CERS6: variants seen among roughly 807,000 people sequenced by gnomAD.
The protein encoded by CERS6 is LAG1 homolog, ceramide synthase 6.
In CERS6, 26 loss-of-function variants were observed where a neutral mutation model predicts 56.8. The ratio of observed to expected loss-of-function variants is 0.46; its 90% CI spans 0.34 to 0.63. The LOEUF is 0.63. CERS6 is among the 30% of genes least tolerant of loss of function. The probability of loss-of-function intolerance (pLI) is 0.01; values close to 1 mark genes in which losing one functional copy is unlikely to be tolerated. For missense variants in CERS6, 415 were observed against 467.5 expected (o/e 0.89, Z 1.04); for synonymous variants, 164 against 173.3 (o/e 0.95, Z 0.42).
chr2:168,704,716 C>T (rs1686893444), intron 6 of CERS6, among the ~76,000 whole-genome samples: 1 of 152,166 alleles, frequency 6.6e-6, no homozygotes, highest in Non-Finnish European at 1.5e-5. Context: ...AAGCGATTCT[C>T]CTGCCTCAGC....
intron 1 of CERS6, among the ~76,000 whole-genome samples, chr2:168,492,249 A>C (rs757996961): frequency 6.6e-6 from 1 of 152,218 alleles, no homozygotes; most frequent in Non-Finnish European, 1.5e-5. Context: ...GCGTAAAAGC[A>C]TTCCTATTCG....
chr2:168,602,091 T>C (rs1184201288), intron 3 of CERS6, among the ~76,000 whole-genome samples: 1 of 152,232 alleles, frequency 6.6e-6, no homozygotes, highest in East Asian at 1.9e-4. Flanking sequence ...CACTATGCTG[T>C]ACACGTATTT....
At chr2:168,612,075 G>A (rs1574099807) in intron 3 of CERS6, among the ~76,000 whole-genome samples, 1 of 152,358 alleles carries the variant, frequency 6.6e-6, no homozygotes, top group East Asian at 1.9e-4. Context: ...GCCATGTGTT[G>A]AATGCTGTTC....
chr2:168,676,343 T>C (rs1686059301), intron 4 of CERS6, among the ~76,000 whole-genome samples: 1 of 152,180 alleles, frequency 6.6e-6, no homozygotes, highest in Non-Finnish European at 1.5e-5. Flanking sequence ...TTATCATGCA[T>C]TGGTCATTTG....
chr2:168,745,889 C>G (rs1684084347), intron 8 of CERS6, among the ~76,000 whole-genome samples: 1 of 152,208 alleles, frequency 6.6e-6, no homozygotes, highest in Non-Finnish European at 1.5e-5. Flanking sequence ...TTATACTCAC[C>G]TGTGGGGATG....
chr2:168,627,277 G>A (rs1197602907), intron 3 of CERS6, among the ~76,000 whole-genome samples: 1 of 152,116 alleles, frequency 6.6e-6, no homozygotes, highest in Non-Finnish European at 1.5e-5. Context: ...TTAGGGCAAT[G>A]ATTTATGTTG....
At chr2:168,583,012 C>T (rs1243926208) in intron 3 of CERS6, 1 of 153,574 alleles carries the variant, frequency 6.5e-6, no homozygotes. Flanking sequence ...TGCCAGAAAA[C>T]AACATAGGCA....
At chr2:168,638,448 A>C (rs1684912157) in intron 4 of CERS6, among the ~76,000 whole-genome samples, 1 of 152,146 alleles carries the variant, frequency 6.6e-6, no homozygotes, top group Non-Finnish European at 1.5e-5. Flanking sequence ...AAAGTATCAA[A>C]AATAAAACAC....
At chr2:168,608,824 AT>A (rs1684115847) in intron 3 of CERS6, among the ~76,000 whole-genome samples, 1 of 152,092 alleles carries the variant, frequency 6.6e-6, no homozygotes, top group African/African-American at 2.4e-5. Flanking sequence ...TATTTATGGT[AT>A]CTTTTGAAGG....
chr2:168,666,328 C>T (rs1685761037), intron 4 of CERS6, among the ~76,000 whole-genome samples: 1 of 152,190 alleles, frequency 6.6e-6, no homozygotes, highest in Non-Finnish European at 1.5e-5. Context: ...CTTCCTTCCT[C>T]CCTAGACCTG....
In CERS6 at chr2:168,533,583, C is replaced by A. The variant is rs144814422; in HGVS notation, c.171-14013C>A. 3.1e-3 allele frequency among the ~76,000 whole-genome samples: 466 copies of A among 152,280 alleles called. 5 individuals are homozygous for A. The highest frequency in any genetic ancestry group is 3.1e-3 in the Non-Finnish European group (213 of 68,018). On this transcript the variant is annotated intron_variant, in intron 1 of 9. Transcript: ENST00000305747. Reference sequence around the variant, plus strand: ...TGATGAGTTTCTGCTGAAAGATCTGCTGTTAGTGTGGTGAGCTTCCCTTTA... The same window carrying A: ...TGATGAGTTTCTGCTGAAAGATCTGATGTTAGTGTGGTGAGCTTCCCTTTA...
chr2:168,532,856 T>C (rs756543589), intron 1 of CERS6, among the ~76,000 whole-genome samples: 2 of 152,246 alleles, frequency 1.3e-5, no homozygotes, highest in Non-Finnish European at 2.9e-5. Context: ...TTCTTTTATA[T>C]GGCAGAAATT....
intron 8 of CERS6, among the ~76,000 whole-genome samples, chr2:168,753,130 G>A (rs924366216): frequency 6.6e-6 from 1 of 152,174 alleles, no homozygotes; most frequent in Non-Finnish European, 1.5e-5. Context: ...GAGGAAACAG[G>A]CTTGGAGAAA....
At chr2:168,574,724 A>G (rs1683213885) in intron 3 of CERS6, among the ~76,000 whole-genome samples, 1 of 152,174 alleles carries the variant, frequency 6.6e-6, no homozygotes, top group African/African-American at 2.4e-5. Context: ...TGCCAAATGA[A>G]TTGAATTCAC....
chr2:168,591,847 A>C (rs1467614170), intron 3 of CERS6, among the ~76,000 whole-genome samples: 1 of 152,242 alleles, frequency 6.6e-6, no homozygotes, highest in Non-Finnish European at 1.5e-5. Flanking sequence ...ATTTTAGAGA[A>C]GGGGACTGTG....
chr2:168,497,947 AC>A (rs1026215984), intron 1 of CERS6, among the ~76,000 whole-genome samples: 31 of 152,198 alleles, frequency 2.0e-4, no homozygotes, highest in African/African-American at 6.3e-4. Flanking sequence ...GGAGACCCTT[AC>A]TAATAACAAT....
At chr2:168,523,957 C>G (rs1306044595) in intron 1 of CERS6, among the ~76,000 whole-genome samples, 1 of 152,166 alleles carries the variant, frequency 6.6e-6, no homozygotes, top group Non-Finnish European at 1.5e-5. Flanking sequence ...AACTTAGTGT[C>G]CTCTTCAGAC....
chr2:168,747,657 TTC>T (rs1196045659), intron 8 of CERS6, among the ~76,000 whole-genome samples: 1 of 152,202 alleles, frequency 6.6e-6, no homozygotes, highest in Non-Finnish European at 1.5e-5. Flanking sequence ...ACACAGTGTT[TTC>T]TCTTTTTTAT....
chr2:168,491,594 G>A (rs147287269), intron 1 of CERS6, among the ~76,000 whole-genome samples: 1 of 151,908 alleles, frequency 6.6e-6, no homozygotes, highest in East Asian at 1.9e-4. Flanking sequence ...GGTTAACTAT[G>A]GAACTATGGT....
Sources: allele counts gnomAD v4.1 joint callset (sites outside exome capture counted in the v4.1 genomes callset), GRCh38; gene constraint gnomAD v4.1.1; transcripts MANE v1.5; gene names NCBI Gene and HGNC (gene_info 2026-07-23, HGNC 2026-07-21).